SEL1L3: variants seen among roughly 807,000 people sequenced by gnomAD.
SEL1L3 encodes the protein SEL1L family member 3.
In SEL1L3, 76 loss-of-function variants were observed where a neutral mutation model predicts 142.8. The observed-to-expected ratio is 0.53, with a 90% CI of 0.44 to 0.64. SEL1L3 has a LOEUF of 0.64. Among genes scored for constraint, SEL1L3 ranks in the 30% least tolerant of loss-of-function variants. The probability of loss-of-function intolerance (pLI) is 0.00; values close to 1 mark genes in which losing one functional copy is unlikely to be tolerated. For missense variants in SEL1L3, 1,262 were observed against 1,381.7 expected (o/e 0.91, Z 1.37); for synonymous variants, 504 against 519.6 (o/e 0.97, Z 0.41).
chr4:25,777,241 A>C (rs1021820941), intron 16 of SEL1L3, among the ~76,000 whole-genome samples: 1 of 152,094 alleles, frequency 6.6e-6, no homozygotes, highest in Non-Finnish European at 1.5e-5. Context: ...CCATCAACAG[A>C]GATAAAGAAG....
chr4:25,756,674 T>C, intron 23 of SEL1L3: 2 of 1,084,892 alleles, frequency 1.8e-6, no homozygotes, highest in Non-Finnish European at 2.3e-6. Context: ...TCCTTAACTA[T>C]TCTATACTGG....
the SEL1L3 span, among the ~76,000 whole-genome samples, chr4:25,736,470 C>T: frequency 4.3e-4 from 66 of 152,110 alleles, no homozygotes; most frequent in Non-Finnish European, 2.8e-4. Context: ...GTGATCCACC[C>T]TCCTCGGCCT....
At chr4:25,809,738 A>AT (rs1713889335) in intron 9 of SEL1L3, among the ~76,000 whole-genome samples, 1 of 151,882 alleles carries the variant, frequency 6.6e-6, no homozygotes, top group Middle Eastern at 3.2e-3. Flanking sequence ...GTCTCTGTGT[A>AT]TTTTTTTAAA....
intron 1 of SEL1L3, among the ~76,000 whole-genome samples, chr4:25,851,492 A>G (rs1348110031): frequency 6.6e-6 from 1 of 152,180 alleles, no homozygotes; most frequent in African/African-American, 2.4e-5. Flanking sequence ...GGTGACCAGG[A>G]GACAGAATAA....
intron 23 of SEL1L3, among the ~76,000 whole-genome samples, chr4:25,749,992 G>C (rs563525653): frequency 4.6e-5 from 7 of 151,956 alleles, no homozygotes; most frequent in African/African-American, 1.7e-4. Flanking sequence ...CCAGCACTTC[G>C]GGAGGCCCGG....
chr4:25,847,904 T>TA, intron 1 of SEL1L3, 40 bp from the exon 2 acceptor site: 1 of 1,233,164 alleles, frequency 8.1e-7, no homozygotes, highest in Non-Finnish European at 1.1e-6. Flanking sequence ...ACAGAAAGTT[T>TA]AAAAATCCTC....
At chr4:25,760,668 C>T (rs1718314867) in intron 20 of SEL1L3, among the ~76,000 whole-genome samples, 1 of 152,088 alleles carries the variant, frequency 6.6e-6, no homozygotes, top group African/African-American at 2.4e-5. Context: ...TGGCTTATAT[C>T]TTCCCTCTGA....
chr4:25,862,632 G>T (rs1329080080), intron 1 of SEL1L3, 43 bp downstream of exon 1: 1 of 1,133,122 alleles, frequency 8.8e-7, no homozygotes, highest in Non-Finnish European at 1.1e-6. Context: ...CGTCCCCGGG[G>T]CCCCGCGCGG....
chr4:25,817,655 G>C (rs1287214324), intron 9 of SEL1L3, among the ~76,000 whole-genome samples: 1 of 152,176 alleles, frequency 6.6e-6, no homozygotes, highest in Non-Finnish European at 1.5e-5. Flanking sequence ...AGGGGCTGTG[G>C]GTGGACAAAG....
chr4:25,838,241 A>C (rs557574380), intron 2 of SEL1L3, among the ~76,000 whole-genome samples: 27 of 152,268 alleles, frequency 1.8e-4, no homozygotes, highest in Non-Finnish European at 4.4e-5. Flanking sequence ...TTTTGCATGA[A>C]GAGCTTAGGT....
At chr4:25,797,231 C>T (rs1387135653) in intron 11 of SEL1L3, among the ~76,000 whole-genome samples, 1 of 151,162 alleles carries the variant, frequency 6.6e-6, no homozygotes, top group Admixed American at 6.6e-5. Flanking sequence ...AGCTGAGGAG[C>T]GAAGCCTCTC....
chr4:25,851,908 G>A (rs28454825), intron 1 of SEL1L3, among the ~76,000 whole-genome samples: 16,733 of 135,978 alleles, frequency 0.12, 3,691 homozygotes, highest in African/African-American at 0.44. Flanking sequence ...AAAAAAAAAA[G>A]GTCACAGTGG....
chr4:25,738,153 T>C, the SEL1L3 span, among the ~76,000 whole-genome samples: 1 of 152,228 alleles, frequency 6.6e-6, no homozygotes, highest in Admixed American at 6.5e-5. Context: ...CCTCCCAAAG[T>C]GCTGGGATTA....
chr4:25,825,047 T>C (rs1207574113), intron 6 of SEL1L3, among the ~76,000 whole-genome samples: 1 of 152,206 alleles, frequency 6.6e-6, no homozygotes, highest in Admixed American at 6.5e-5. Flanking sequence ...GAAGGCCCTC[T>C]CTAGAAAGAT....
At chr4:25,815,744 T>C (rs1207646138) in intron 9 of SEL1L3, among the ~76,000 whole-genome samples, 2 of 151,936 alleles carry the variant, frequency 1.3e-5, no homozygotes, top group African/African-American at 4.8e-5. Context: ...GAATTATCTC[T>C]GCCCAGTAAT....
At position 25,790,610 on chromosome 4, in the gene SEL1L3, A is replaced by AGAAG. The variant is rs745799260; in HGVS notation, c.1957-40_1957-37dup. 765 of 798,450 alleles carry AGAAG rather than the reference A, an allele frequency of 9.6e-4. 8 individuals are homozygous for AGAAG. The highest frequency in any genetic ancestry group is 2.6e-3 in the African/African-American group (86 of 32,552). 49.5% of individuals were successfully genotyped at this position (798,450 alleles called of 1,614,324 possible). On this transcript the variant is annotated intron_variant, in intron 11 of 23. Coordinates refer to ENST00000399878, the MANE Select transcript of SEL1L3 (RefSeq NM_015187.5). The stretch of plus-strand genomic sequence containing the variant: ...AGGAGGGAAAGAAGGAAGGAGGGAA[A>AGAAG]GAAGGAAGGAAGGAAGGAAGGAAGG...
chr4:25,728,253 T>C, the SEL1L3 span, among the ~76,000 whole-genome samples: 1 of 152,172 alleles, frequency 6.6e-6, no homozygotes, highest in Admixed American at 6.5e-5. Flanking sequence ...TCTTGACCCA[T>C]GGAGAAATCA....
intron 9 of SEL1L3, 114 bp from the exon 10 acceptor site, chr4:25,804,866 G>T (rs1252766673): frequency 5.3e-6 from 4 of 749,616 alleles, no homozygotes; most frequent in Non-Finnish European, 9.2e-6. Flanking sequence ...GGTCGGTCCT[G>T]CAGTGCCTCA....
At chr4:25,771,120 T>C (rs1289433629) in intron 17 of SEL1L3, among the ~76,000 whole-genome samples, 2 of 152,272 alleles carry the variant, frequency 1.3e-5, no homozygotes, top group African/African-American at 4.8e-5. Flanking sequence ...AAAGTATTAA[T>C]TCCAGATATT....
Sources: allele counts gnomAD v4.1 joint callset (sites outside exome capture counted in the v4.1 genomes callset), GRCh38; gene constraint gnomAD v4.1.1; transcripts MANE v1.5; gene names NCBI Gene and HGNC (gene_info 2026-07-23, HGNC 2026-07-21).